Variants in AGO3 observed in about 807,000 individuals in gnomAD.
AGO3 encodes protein argonaute-3.
AGO3 carries 16 observed loss-of-function variants against 105.5 expected under a neutral mutation model. That is an observed-to-expected ratio of 0.15 (90% CI 0.10 to 0.23). The LOEUF is 0.23. AGO3 is among the 10% of genes least tolerant of loss of function. AGO3 has a pLI of 1.00. For missense variants in AGO3, 534 were observed against 1,088.0 expected, an observed-to-expected ratio of 0.49 and a Z score of 7.16; for synonymous variants, 340 against 367.3, an observed-to-expected ratio of 0.93 and a Z score of 0.85.
At position 35,954,016 on chromosome 1, in the gene AGO3, C is replaced by T. The variant is rs964823519; in HGVS notation, c.191+8153C>T. On this transcript the variant is annotated intron_variant, in intron 2 of 18. Coordinates refer to ENST00000373191, the MANE Select transcript of AGO3 (RefSeq NM_024852.4). ...ATGTCTAACTTATTTTTTCTTTTGT[C>T]GCTTGTGATTTTGTTGTCATATCTA... 5.9e-5 allele frequency among the ~76,000 whole-genome samples: 9 copies of T among 151,990 alleles called. 1 individual carries two copies. In the South Asian group the frequency reaches 1.5e-3, roughly 24 times the overall value.
rs368311419 is a variant in AGO3 at position 36,058,151 on chromosome 1, A to G, written c.*2406A>G. The G allele has an allele frequency of 2.0e-5, 3 of 152,226 alleles. No individual in the cohort carries two copies. The highest frequency in any genetic ancestry group is 6.5e-5 in the Admixed American group (1 of 15,278). 9.4% of individuals were successfully genotyped at this position (152,226 alleles called of 1,614,324 possible). ...ATTGGCTAGATGCCCATTTTCATTT[A>G]CTAAAATGAATCAGGAAAATGCAAG... On this transcript the variant is annotated 3_prime_UTR_variant, in exon 19 of 19. Transcript: ENST00000373191.
At chr1:35,935,206 G>T (rs1646127603) in intron 1 of AGO3, among the ~76,000 whole-genome samples, 1 of 152,126 alleles carries the variant, frequency 6.6e-6, no homozygotes, top group Non-Finnish European at 1.5e-5. Flanking sequence ...CTCTTTCAAT[G>T]AAGGGACTCC....
chr1:36,052,781 G>A (rs1195138209), intron 17 of AGO3, among the ~76,000 whole-genome samples: 1 of 152,094 alleles, frequency 6.6e-6, no homozygotes, highest in Non-Finnish European at 1.5e-5. Flanking sequence ...GGAGGCCGAG[G>A]CGAGTGGATT....
At chr1:35,943,049 C>A (rs937893343) in intron 1 of AGO3, among the ~76,000 whole-genome samples, 2 of 151,848 alleles carry the variant, frequency 1.3e-5, no homozygotes, top group Admixed American at 6.6e-5. Flanking sequence ...GTCACCCAGG[C>A]GGGAGTGCAG....
Position 36,036,183 on chromosome 1 carries a change from T to G in AGO3, c.1758T>G (p.Ser586=). 6.2e-7 allele frequency: 1 copy of G among 1,614,178 alleles called. No homozygotes were observed. The highest frequency in any genetic ancestry group is 8.5e-7 in the Non-Finnish European group (1 of 1,179,976). The change falls in exon 14 of 19, where the codon TCT becomes TCG. Residue 586 remains serine, a synonymous_variant. Transcript: ENST00000373191. ...NNILVPHQRP[S]VFQQPVIFLG... The stretch of plus-strand genomic sequence containing the variant: ...TTTTCAAAATGTGTTTAAGACCTTC[T>G]GTGTTCCAGCAACCAGTGATCTTTT...
At chr1:35,978,618 C>G (rs1646995290) in intron 5 of AGO3, among the ~76,000 whole-genome samples, 1 of 152,134 alleles carries the variant, frequency 6.6e-6, no homozygotes, top group African/African-American at 2.4e-5. Flanking sequence ...ACAGACAGAG[C>G]AAGTTACAAC....
At chr1:35,964,783 C>T (rs1019945244) in intron 2 of AGO3, among the ~76,000 whole-genome samples, 10 of 152,152 alleles carry the variant, frequency 6.6e-5, no homozygotes, top group African/African-American at 2.2e-4. Flanking sequence ...ACCTTGCCAA[C>T]GTCTGTTATT....
intron 17 of AGO3, among the ~76,000 whole-genome samples, chr1:36,052,627 A>G (rs1454583078): frequency 6.6e-6 from 1 of 152,228 alleles, no homozygotes; most frequent in African/African-American, 2.4e-5. Context: ...ATATATGTGT[A>G]TCAAAATATT....
At position 35,994,042 on chromosome 1, in the gene AGO3, A is replaced by ATTTT. The variant is rs759085356; in HGVS notation, c.659-10276_659-10273dup. On this transcript the variant is annotated intron_variant, in intron 5 of 18. Coordinates refer to ENST00000373191, the MANE Select transcript of AGO3 (RefSeq NM_024852.4). ...TACATGCGTGAGCCACTGCGCCCAG[A>ATTTT]TTTTTTTTTTTTTTTTTTTTTTTTT... is the stretch of plus-strand genomic sequence containing the variant. 3.0e-3 allele frequency among the ~76,000 whole-genome samples: 196 copies of ATTTT among 65,840 alleles called. 20 individuals are homozygous for ATTTT. The highest frequency in any genetic ancestry group is 4.1e-3 in the Non-Finnish European group (157 of 37,952). The allele number at this position is 65,840 out of a possible 152,430, so 43.2% of individuals were successfully genotyped here.
chr1:35,973,543 G>A (rs753968144), intron 5 of AGO3, 32 bp downstream of exon 5: 2 of 1,455,820 alleles, frequency 1.4e-6, no homozygotes, highest in Admixed American at 2.1e-5. Flanking sequence ...TCTGTATTGG[G>A]TGGTGGATTT....
chr1:36,034,068 A>T, intron 12 of AGO3, 106 bp from the exon 13 acceptor site: 1 of 1,183,276 alleles, frequency 8.5e-7, no homozygotes, highest in Non-Finnish European at 1.1e-6. Flanking sequence ...GTATCCTGTA[A>T]TACAATGATG....
intron 5 of AGO3, among the ~76,000 whole-genome samples, chr1:35,997,220 A>G (rs550845687): frequency 7.2e-5 from 11 of 152,186 alleles, no homozygotes; most frequent in African/African-American, 2.6e-4. Flanking sequence ...TGGAGGTTGG[A>G]GTGAACTGAG....
chr1:36,059,793 T>C lies in AGO3; in HGVS notation c.*4048T>C, dbSNP rs572588688. 6.6e-5 allele frequency: 10 copies of C among 152,276 alleles called. No individual in the cohort carries two copies. The highest frequency in any genetic ancestry group is 3.4e-3 in the Middle Eastern group (1 of 294). The allele number at this position is 152,276 out of a possible 1,614,324, so 9.4% of individuals were successfully genotyped here. On this transcript the variant is annotated 3_prime_UTR_variant, in exon 19 of 19. Transcript: ENST00000373191. ...AAGGCTAGTGTTAGACCCTTTTTTT[T>C]CCTAAGAGTAAGGACACGGAATATC...
intron 2 of AGO3, among the ~76,000 whole-genome samples, chr1:35,957,507 C>T (rs530739408): frequency 2.0e-5 from 3 of 152,180 alleles, no homozygotes; most frequent in African/African-American, 7.2e-5. Flanking sequence ...AGGCAGATCA[C>T]TTGAGGTCAG....
At chr1:36,032,899 TGGATCACCTGA>T (rs979504940) in intron 12 of AGO3, among the ~76,000 whole-genome samples, 2 of 150,506 alleles carry the variant, frequency 1.3e-5, no homozygotes, top group African/African-American at 4.9e-5. Flanking sequence ...CCAAGGCGGG[TGGATCACCTGA>T]GGTCAGGAGT....
intron 3 of AGO3, among the ~76,000 whole-genome samples, chr1:35,969,976 A>G (rs1022754805): frequency 2.0e-5 from 3 of 152,198 alleles, no homozygotes; most frequent in African/African-American, 7.2e-5. Context: ...ACCACCGTGT[A>G]TATGGGGTCC....
rs1488966735 is a variant in AGO3 at position 36,014,061 on chromosome 1, A to G, written c.1406+13A>G. The G allele has an allele frequency of 3.1e-6, 5 of 1,613,718 alleles. No homozygotes were observed. The highest frequency in any genetic ancestry group is 1.1e-5 in the South Asian group (1 of 91,048). ...AAGAAATATTGAAGTAAGACATGTC[A>G]TTACCTTGGCTTTGGGACTTTTTTG... On this transcript the variant is annotated intron_variant, in intron 11 of 18. Coordinates refer to ENST00000373191, the MANE Select transcript of AGO3 (RefSeq NM_024852.4).
At chr1:36,031,910 GGT>G (rs368252499) in intron 12 of AGO3, among the ~76,000 whole-genome samples, 10 of 148,456 alleles carry the variant, frequency 6.7e-5, no homozygotes, top group Admixed American at 3.4e-4. Context: ...GGGGGCGGGG[GGT>G]GTGTGTGTGT....
rs1430115043 is a variant in AGO3, at chr1:36,027,527, C to T, written c.1591+229C>T. Among the ~76,000 whole-genome samples, 2 of 152,130 alleles carry T rather than the reference C, an allele frequency of 1.3e-5. No individual in the cohort carries two copies. Among genetic ancestry groups the T allele is most frequent in the Non-Finnish European group, 2.9e-5 (2 of 68,022 alleles). On this transcript the variant is annotated intron_variant, in intron 12 of 18. Transcript: ENST00000373191. This position sits in a 1 kb window ranked among gnomAD's most constrained non-coding sequence, Gnocchi z 4.0. ...GCGTGGTGGCTCACGCCTGTAATCCCAGCACTTTGGGAGGCCGAGGCGGGT... is the reference window on the plus strand; with the variant it reads ...GCGTGGTGGCTCACGCCTGTAATCCTAGCACTTTGGGAGGCCGAGGCGGGT...
Sources: allele counts gnomAD v4.1 joint callset (sites outside exome capture counted in the v4.1 genomes callset), GRCh38; gene constraint gnomAD v4.1.1; non-coding constraint Gnocchi (gnomAD v3.1); transcripts MANE v1.5; gene names NCBI Gene and HGNC (gene_info 2026-07-23, HGNC 2026-07-21).